The following PCDHA4 variants were observed in gnomAD, a reference collection of about 807,000 sequenced individuals.
The protein encoded by PCDHA4 is protocadherin alpha 4.
In PCDHA4, 49 loss-of-function variants were observed where a neutral mutation model predicts 61.4. The observed-to-expected ratio is 0.80, with a 90% CI of 0.63 to 1.01. The LOEUF (loss-of-function observed/expected upper bound fraction) is 1.01. Ranked by LOEUF, PCDHA4 falls within the 50% of genes least tolerant of loss-of-function variation. The pLI, the probability that PCDHA4 is intolerant of heterozygous loss-of-function variation, is 0.00. For synonymous variants in PCDHA4, 590 were observed against 550.3 expected (o/e 1.07, Z -1.01); for missense variants, 1,254 against 1,235.8 (o/e 1.01, Z -0.22).
In PCDHA4 at chr5:140,882,396, C is replaced by A. The variant is rs1287441519; in HGVS notation, c.2385+72824C>A. 54 of 1,614,078 alleles carry A rather than the reference C, an allele frequency of 3.3e-5. No homozygotes were observed. The highest frequency in any genetic ancestry group is 4.6e-5 in the Non-Finnish European group (54 of 1,180,056). On this transcript the variant is annotated intron_variant, in intron 1 of 3. Transcript: ENST00000530339. The stretch of plus-strand genomic sequence containing the variant: ...GTCCCCGAGGAAGCAAAACACGGCA[C>A]CTTCGTGGGCCGCATCGCTCAGGAC...
At chr5:140,906,540 A>T (rs1375015616) in intron 1 of PCDHA4, among the ~76,000 whole-genome samples, 4 of 152,232 alleles carry the variant, frequency 2.6e-5, no homozygotes, top group African/African-American at 9.6e-5. Context: ...TAAAATCCTC[A>T]TTTCTGCAAC....
chr5:140,938,014 T>C (rs1554211943), intron 1 of PCDHA4, among the ~76,000 whole-genome samples: 6 of 152,220 alleles, frequency 3.9e-5, no homozygotes. Context: ...TCTTGCTAAA[T>C]AGTAAAATCT....
In PCDHA4 at chr5:140,928,656, T is replaced by A. The variant is rs116598649; in HGVS notation, c.2386-50293T>A. ...TCACAAAAGTGGTAGCAGAGGATGC[T>A]GACAGTGGTTCTAATGCCTGGCTTT... On this transcript the variant is annotated intron_variant, in intron 1 of 3. Transcript: ENST00000530339. 5,180 of 1,614,228 alleles carry A rather than the reference T, an allele frequency of 3.2e-3. 26 individuals are homozygous for A. Among genetic ancestry groups the A allele is most frequent in the African/African-American group, 0.019 (1,449 of 75,056 alleles).
At chr5:140,936,311 T>C (rs1451314089) in intron 1 of PCDHA4, among the ~76,000 whole-genome samples, 1 of 152,228 alleles carries the variant, frequency 6.6e-6, no homozygotes, top group African/African-American at 2.4e-5. Flanking sequence ...AATAGAACTT[T>C]CTGACATGCT....
chr5:140,885,335 A>T (rs183720535), intron 1 of PCDHA4, among the ~76,000 whole-genome samples: 2 of 152,246 alleles, frequency 1.3e-5, no homozygotes, highest in East Asian at 3.9e-4. Context: ...CCAAAGTTTG[A>T]AGGGATTTCC....
chr5:140,875,531 T>G, intron 1 of PCDHA4: 1 of 1,614,100 alleles, frequency 6.2e-7, no homozygotes. Flanking sequence ...TCGCTTCTGC[T>G]CCTTGCAGCC....
chr5:140,843,324 C>G lies in PCDHA4; in HGVS notation c.2385+33752C>G, dbSNP rs1251515111. On this transcript the variant is annotated intron_variant, in intron 1 of 3. Coordinates refer to ENST00000530339, the MANE Select transcript of PCDHA4 (RefSeq NM_018907.4). ...ACCGCCACGGCCACGGTTCTGGTGT[C>G]GCTGGTGGAGAGCGGCCAGGCTCCA... is the stretch of plus-strand genomic sequence containing the variant. 5.6e-6 allele frequency: 9 copies of G among 1,595,896 alleles called. 3 individuals carry two copies. The highest frequency in any genetic ancestry group is 3.4e-5 in the Admixed American group (2 of 59,276).
chr5:140,969,238 A>G, intron 1 of PCDHA4: 3 of 1,614,222 alleles, frequency 1.9e-6, no homozygotes, highest in South Asian at 1.1e-5. Flanking sequence ...GAGCCCAAGC[A>G]GCAGTGACTG....
chr5:140,923,557 A>C (rs1462470621), intron 1 of PCDHA4, among the ~76,000 whole-genome samples: 1 of 152,200 alleles, frequency 6.6e-6, no homozygotes, highest in African/African-American at 2.4e-5. Context: ...AATATCAGCA[A>C]TGAAAGGTCC....
intron 1 of PCDHA4, among the ~76,000 whole-genome samples, chr5:140,926,169 G>C (rs1212199081): frequency 6.6e-6 from 1 of 151,734 alleles, no homozygotes; most frequent in Non-Finnish European, 1.5e-5. Flanking sequence ...GCAGGATCCA[G>C]CGCGGAAAGC....
Position 140,807,074 on chromosome 5 carries a change from A to T in PCDHA4, c.-114A>T, listed in dbSNP as rs372967091. ...ATTCTTACTGGAAGGAACCATATAC[A>T]CTCTTTGGAGTCTGAAATATGGAGG... On this transcript the variant is annotated 5_prime_UTR_variant, in exon 1 of 4. Transcript: ENST00000530339. 9.9e-6 allele frequency: 12 copies of T among 1,213,528 alleles called. No individual in the cohort carries two copies. In the East Asian group the frequency reaches 2.1e-4, roughly 21 times the overall value. The allele number at this position is 1,213,528 out of a possible 1,614,324, so 75.2% of individuals were successfully genotyped here.
chr5:140,869,810 A>T lies in PCDHA4; in HGVS notation c.2385+60238A>T, dbSNP rs2051437780. On this transcript the variant is annotated intron_variant, in intron 1 of 3. Transcript: ENST00000530339. ...CTGTTAGTCCAAGTCTTGGATGTCA[A>T]CGACAATGATCCAGAGTTTGATAAA... The T allele has an allele frequency of 6.2e-7, 1 of 1,612,624 alleles. No individual in the cohort carries two copies.
chr5:140,873,431 A>G (rs1395359965), intron 1 of PCDHA4, among the ~76,000 whole-genome samples: 1 of 152,228 alleles, frequency 6.6e-6, no homozygotes, highest in African/African-American at 2.4e-5. Context: ...ATTATTTTAT[A>G]TCACATAAAT....
intron 1 of PCDHA4, chr5:140,966,863 C>T: frequency 6.4e-7 from 1 of 1,562,680 alleles, no homozygotes; most frequent in East Asian, 2.3e-5. Flanking sequence ...GCTGCTGTTG[C>T]TGCTGCTGCT....
intron 1 of PCDHA4, among the ~76,000 whole-genome samples, chr5:140,898,193 A>G (rs1352716396): frequency 1.7e-4 from 26 of 152,114 alleles, no homozygotes; most frequent in African/African-American, 5.3e-4. Flanking sequence ...CTTTAGTTTA[A>G]TTAGATCCCA....
chr5:140,809,610 GT>G (rs1419017623), intron 1 of PCDHA4, 38 bp downstream of exon 1: 3 of 1,519,732 alleles, frequency 2.0e-6, no homozygotes, highest in Admixed American at 2.2e-5. Flanking sequence ...TTTTCGTATT[GT>G]TTTTCTCTAT....
In PCDHA4 at chr5:140,838,192, C is replaced by CA. The variant is rs1413754072; in HGVS notation, c.2385+28624dup. ...GCAGTGGTGCAATCTCAGCTCACTG[C>CA]AAAATCCGCCTCTCTGGTACAAGCA... On this transcript the variant is annotated intron_variant, in intron 1 of 3. Transcript: ENST00000530339. Among the ~76,000 whole-genome samples the CA allele has an allele frequency of 5.3e-5, 8 of 149,554 alleles. 1 individual carries two copies. The highest frequency in any genetic ancestry group is 9.9e-5 in the African/African-American group (4 of 40,474).
chr5:140,994,318 C>G (rs782231160), intron 3 of PCDHA4, among the ~76,000 whole-genome samples: 18 of 152,300 alleles, frequency 1.2e-4, no homozygotes, highest in Non-Finnish European at 1.6e-4. Context: ...CCCAAACACT[C>G]TCAGCAACCA....
chr5:140,821,818 C>T (rs919324883), intron 1 of PCDHA4: 1 of 1,613,974 alleles, frequency 6.2e-7, no homozygotes, highest in African/African-American at 1.3e-5. Flanking sequence ...CCGGCTCCTG[C>T]TGCTCTGGCT....
Sources: gnomAD v4.1 joint callset for allele counts (sites outside exome capture counted in the v4.1 genomes callset) on GRCh38, gnomAD v4.1.1 for gene constraint, MANE v1.5 for transcripts, NCBI Gene and HGNC (gene_info 2026-07-23, HGNC 2026-07-21) for gene names.